PARVB: variants seen among roughly 807,000 people sequenced by gnomAD.
PARVB encodes the protein parvin beta.
Under a neutral mutation model 47.0 loss-of-function variants are expected in PARVB, and 46 were observed. The observed-to-expected ratio is 0.98, with a 90% CI of 0.77 to 1.25. The LOEUF is 1.25. PARVB is among the 50% of genes most tolerant of loss of function. The pLI is 0.00. For synonymous variants in PARVB, 196 were observed against 196.3 expected (o/e 1.00, Z 0.01); for missense variants, 473 against 471.6 (o/e 1.00, Z -0.03).
intron 1 of PARVB, among the ~76,000 whole-genome samples, chr22:44,071,906 A>G (rs1377391313): frequency 2.6e-5 from 4 of 152,240 alleles, no homozygotes; most frequent in Non-Finnish European, 5.9e-5. Context: ...GCCCAAAGCC[A>G]GGACCCAGGA....
At chr22:44,032,657 A>G (rs991405707) in intron 1 of PARVB, among the ~76,000 whole-genome samples, 2 of 152,136 alleles carry the variant, frequency 1.3e-5, no homozygotes, top group African/African-American at 4.8e-5. Context: ...TGAGCGCTCA[A>G]TCAGAATTCG....
chr22:44,045,770 T>C (rs2051102088), intron 1 of PARVB, among the ~76,000 whole-genome samples: 1 of 152,266 alleles, frequency 6.6e-6, no homozygotes, highest in Non-Finnish European at 1.5e-5. Flanking sequence ...AATTCTATTA[T>C]GTTGATCAAC....
At chr22:44,023,568 AAAAT>A (rs1431049217), upstream of PARVB, among the ~76,000 whole-genome samples, 17 of 147,750 alleles carry the variant, frequency 1.2e-4, no homozygotes, top group Non-Finnish European at 1.9e-4. Flanking sequence ...AAAATAAAAT[AAAAT>A]AAAATAAAAT....
chr22:44,142,393 A>T (rs1010735575), intron 8 of PARVB: 8 of 147,670 alleles, frequency 5.4e-5, no homozygotes, highest in South Asian at 2.1e-4. Context: ...AAAAAAAAAA[A>T]AAAAAAAAAA....
In PARVB at chr22:44,131,551, G is replaced by C. The variant is rs1569141459; in HGVS notation, c.441G>C (p.Gln147His). The change falls in exon 5 of 13, where the codon CAG (glutamine) becomes CAC (histidine). Residue 147 changes from glutamine (Q) to histidine (H), a missense_variant. Physicochemically the swap from Gln to His is conservative, Grantham distance 24 (BLOSUM62 0). Coordinates refer to ENST00000338758, the MANE Select transcript of PARVB (RefSeq NM_013327.5). ...EVTQSEIGQKQKLQTVLEAVH... is the reference protein window; with the variant it reads ...EVTQSEIGQKHKLQTVLEAVH... ...CACAGTCCGAAATAGGGCAGAAACAGAAGCTGCAGACGGTGCTGGAAGCAG... is the reference window on the plus strand; with the variant it reads ...CACAGTCCGAAATAGGGCAGAAACACAAGCTGCAGACGGTGCTGGAAGCAG... 6.2e-7 allele frequency: 1 copy of C among 1,614,198 alleles called. No homozygotes were observed. Among genetic ancestry groups the C allele is most frequent in the East Asian group, 2.2e-5 (1 of 44,870 alleles).
chr22:44,002,232 C>T (rs1249671325), intron 2 of PARVB, among the ~76,000 whole-genome samples: 3 of 152,198 alleles, frequency 2.0e-5, no homozygotes, highest in African/African-American at 7.2e-5. Context: ...TCCAGGGGGC[C>T]GTGGACCACG....
chr22:44,094,374 G>A (rs77652130), intron 2 of PARVB, among the ~76,000 whole-genome samples: 8,327 of 152,062 alleles, frequency 0.055, 273 homozygotes, highest in Middle Eastern at 0.11. Context: ...GCCACGCCAC[G>A]CCACACCATG....
At chr22:44,030,870 A>C (rs1370629112) in intron 1 of PARVB, among the ~76,000 whole-genome samples, 2 of 152,058 alleles carry the variant, frequency 1.3e-5, no homozygotes, top group African/African-American at 2.4e-5. Context: ...GGGCCCGTAG[A>C]AAAGTGGCTG....
Position 44,129,658 on chromosome 22 carries a change from C to T in PARVB, c.377-1829C>T, listed in dbSNP as rs767912914. On this transcript the variant is annotated intron_variant, in intron 4 of 12. Coordinates refer to ENST00000338758, the MANE Select transcript of PARVB (RefSeq NM_013327.5). ...TCTACTTCCAGGGCGCAAATTCAGA[C>T]AGACAGCTGTGGATGACTCAGCGAG... Among the ~76,000 whole-genome samples the T allele has an allele frequency of 5.1e-4, 78 of 152,334 alleles. 1 individual carries two copies. The highest frequency in any genetic ancestry group is 5.0e-4 in the Non-Finnish European group (34 of 68,030).
intron 11 of PARVB, among the ~76,000 whole-genome samples, chr22:44,162,182 G>A (rs922197092): frequency 2.0e-5 from 3 of 152,216 alleles, no homozygotes; most frequent in African/African-American, 7.2e-5. Flanking sequence ...GTTTTCCAGT[G>A]TTGTTCGTTT....
At chr22:44,118,651 C>G (rs1000611411) in intron 3 of PARVB, among the ~76,000 whole-genome samples, 5 of 152,206 alleles carry the variant, frequency 3.3e-5, no homozygotes, top group Admixed American at 6.5e-5. Context: ...ACGAGATGCT[C>G]TGGTCCTAGT....
chr22:44,042,766 A>G (rs1037596981), intron 1 of PARVB, among the ~76,000 whole-genome samples: 3 of 152,096 alleles, frequency 2.0e-5, no homozygotes, highest in Admixed American at 2.0e-4. Context: ...CTTGGGCCTC[A>G]TTGCAAGGAC....
chr22:44,119,181 C>G (rs759530290), intron 4 of PARVB, 41 bp downstream of exon 4: 1 of 1,379,670 alleles, frequency 7.2e-7, no homozygotes, highest in South Asian at 1.2e-5. Context: ...ACCCCCATCT[C>G]CCTGCAGCGG....
At chr22:44,108,936 A>G (rs2052626887) in intron 3 of PARVB, 1 of 152,196 alleles carries the variant, frequency 6.6e-6, no homozygotes, top group Non-Finnish European at 1.5e-5. Context: ...GGTGTCAGAA[A>G]AAAAACACAG....
At chr22:44,005,650 G>T (rs2050457221) in intron 2 of PARVB, among the ~76,000 whole-genome samples, 1 of 152,026 alleles carries the variant, frequency 6.6e-6, no homozygotes, top group South Asian at 2.1e-4. Context: ...CCCAAGTAAC[G>T]AAAGGATCAG....
chr22:43,999,422 A>T (rs776329164), intron 1 of PARVB: 8 of 1,606,354 alleles, frequency 5.0e-6, no homozygotes, highest in Non-Finnish European at 6.8e-6. Context: ...GTGAGCTGTG[A>T]TTTAAACAAA....
At chr22:44,151,029 C>CAAAAAAAAAAAAAAAAAAAAAAA (rs35913551) in intron 9 of PARVB, 2 of 51,668 alleles carry the variant, frequency 3.9e-5, no homozygotes, top group African/African-American at 7.6e-5. Context: ...GAGACTGTCT[C>CAAAAAAAAAAAAAAAAAAAAAAA]AAAAAAAAAA....
chr22:44,159,724 G>C (rs2054011660), intron 11 of PARVB, among the ~76,000 whole-genome samples: 1 of 152,156 alleles, frequency 6.6e-6, no homozygotes, highest in Non-Finnish European at 1.5e-5. Flanking sequence ...CTACCTTGTA[G>C]TCTTCGTGAA....
intron 1 of PARVB, among the ~76,000 whole-genome samples, chr22:44,080,255 T>A (rs965652279): frequency 2.6e-5 from 4 of 152,182 alleles, no homozygotes; most frequent in African/African-American, 7.2e-5. Flanking sequence ...TGTGACAAAA[T>A]ACCACAAACC....
Sources: gnomAD v4.1 joint callset for allele counts (sites outside exome capture counted in the v4.1 genomes callset) on GRCh38, gnomAD v4.1.1 for gene constraint, MANE v1.5 for transcripts, NCBI Gene and HGNC (gene_info 2026-07-23, HGNC 2026-07-21) for gene names.